TWSG1: variants seen among roughly 807,000 people sequenced by gnomAD.
The protein encoded by TWSG1 is twisted gastrulation protein homolog 1.
Under a neutral mutation model 23.0 loss-of-function variants are expected in TWSG1, and 15 were observed. The observed-to-expected ratio is 0.65, with a 90% CI of 0.44 to 1.00. TWSG1 has a LOEUF of 1.00. Ranked by LOEUF, TWSG1 falls within the 50% of genes least tolerant of loss-of-function variation. The pLI, the probability that TWSG1 is intolerant of heterozygous loss-of-function variation, is 0.00. For synonymous variants in TWSG1, 86 were observed against 92.8 expected, an observed-to-expected ratio of 0.93 and a Z score of 0.42; for missense variants, 242 against 278.7, an observed-to-expected ratio of 0.87 and a Z score of 0.94.
intron 2 of TWSG1, among the ~76,000 whole-genome samples, chr18:9,357,583 GT>G (rs1445358059): frequency 6.6e-6 from 1 of 152,120 alleles, no homozygotes; most frequent in Non-Finnish European, 1.5e-5. Context: ...AGAAATAATA[GT>G]TACATTGCAC....
intron 3 of TWSG1, among the ~76,000 whole-genome samples, chr18:9,382,868 G>T (rs1391639388): frequency 3.3e-5 from 5 of 150,914 alleles, no homozygotes; most frequent in Non-Finnish European, 7.4e-5. Flanking sequence ...AAGAGAGGCT[G>T]GGAAAAGAAA....
chr18:9,383,163 T>A (rs1292716637), intron 3 of TWSG1, among the ~76,000 whole-genome samples: 1 of 150,074 alleles, frequency 6.7e-6, no homozygotes, highest in East Asian at 2.0e-4. Context: ...GAGTGTATGG[T>A]GGTGATATCC....
intron 2 of TWSG1, among the ~76,000 whole-genome samples, chr18:9,347,704 A>G (rs959404807): frequency 6.6e-6 from 1 of 152,002 alleles, no homozygotes; most frequent in Non-Finnish European, 1.5e-5. Flanking sequence ...ATATTCTGGG[A>G]AATTTCCTGA....
rs143094768 is a variant in TWSG1, at chr18:9,353,849, C to T, written c.124-6123C>T. Among the ~76,000 whole-genome samples the T allele has an allele frequency of 2.5e-3, 385 of 152,256 alleles. 5 individuals are homozygous for T. Among genetic ancestry groups the T allele is most frequent in the African/African-American group, 8.8e-3 (366 of 41,560 alleles). The stretch of plus-strand genomic sequence containing the variant: ...AGATATAGTCATTAACCAGCTGAAG[C>T]GACAACAAAAAAAATTAAGTATTGC... On this transcript the variant is annotated intron_variant, in intron 2 of 4. Transcript: ENST00000262120.
intron 2 of TWSG1, among the ~76,000 whole-genome samples, chr18:9,347,693 T>C (rs1220382057): frequency 6.6e-6 from 1 of 152,174 alleles, no homozygotes; most frequent in Non-Finnish European, 1.5e-5. Flanking sequence ...CTTCTTACTC[T>C]ATATTCTGGG....
At chr18:9,383,878 A>T in intron 3 of TWSG1, among the ~76,000 whole-genome samples, 1 of 152,156 alleles carries the variant, frequency 6.6e-6, no homozygotes, top group Non-Finnish European at 1.5e-5. Flanking sequence ...TGGAAATGAG[A>T]TAGTGATCCA....
intron 2 of TWSG1, among the ~76,000 whole-genome samples, chr18:9,353,425 G>T (rs935218158): frequency 2.0e-5 from 3 of 152,150 alleles, no homozygotes; most frequent in Non-Finnish European, 4.4e-5. Flanking sequence ...CATCCTGCCA[G>T]ACTTTCATTT....
intron 2 of TWSG1, among the ~76,000 whole-genome samples, chr18:9,347,569 A>C (rs184337442): frequency 9.3e-4 from 142 of 152,122 alleles, no homozygotes; most frequent in African/African-American, 3.0e-3. Context: ...AAATTTATTT[A>C]TCAGTATTTT....
At chr18:9,395,711 A>G (rs2040731626) in intron 3 of TWSG1, among the ~76,000 whole-genome samples, 1 of 152,046 alleles carries the variant, frequency 6.6e-6, no homozygotes, top group Non-Finnish European at 1.5e-5. Context: ...GGCTACAGGC[A>G]TGCACCACCA....
In TWSG1 at chr18:9,337,201, G is replaced by T; in HGVS notation, c.-29G>T. The T allele has an allele frequency of 6.2e-7, 1 of 1,606,020 alleles. No individual in the cohort carries two copies. The highest frequency in any genetic ancestry group is 1.1e-5 in the South Asian group (1 of 90,986). On this transcript the variant is annotated 5_prime_UTR_variant, in exon 2 of 5. Coordinates refer to ENST00000262120, the MANE Select transcript of TWSG1 (RefSeq NM_020648.6). Reference sequence around the variant, plus strand: ...TGTGTTTGTTTGTTTAGTTTCCTGGGAGTTACTGATCATCTTCTTTGAAGA... The same window carrying T: ...TGTGTTTGTTTGTTTAGTTTCCTGGTAGTTACTGATCATCTTCTTTGAAGA...
At position 9,344,491 on chromosome 18, in the gene TWSG1, A is replaced by ATGTGTGTGTGTGTG. The variant is rs57863617; in HGVS notation, c.123+7157_123+7170dup. 2.5e-3 allele frequency among the ~76,000 whole-genome samples: 337 copies of ATGTGTGTGTGTGTG among 136,774 alleles called. 4 individuals carry two copies. The highest frequency in any genetic ancestry group is 9.1e-3 in the African/African-American group (325 of 35,660). The allele number at this position is 136,774 out of a possible 152,430, so 89.7% of individuals were successfully genotyped here. A position where few individuals can be genotyped will look rare whatever the true frequency, so the allele number is the denominator to read the frequency against. On this transcript the variant is annotated intron_variant, in intron 2 of 4. Transcript: ENST00000262120. ...ATCTTTTTATGTGCTTAGTGAATGC[A>ATGTGTGTGTGTGTG]TGTGTGTGTGTGTGTGTGTGTGTGT...
At chr18:9,379,003 A>G (rs1348655044) in intron 3 of TWSG1, among the ~76,000 whole-genome samples, 1 of 152,204 alleles carries the variant, frequency 6.6e-6, no homozygotes, top group Non-Finnish European at 1.5e-5. Context: ...TGGCTATGAT[A>G]TTAAAAAGTC....
chr18:9,358,690 T>C (rs1469787334), intron 2 of TWSG1, among the ~76,000 whole-genome samples: 1 of 152,168 alleles, frequency 6.6e-6, no homozygotes, highest in African/African-American at 2.4e-5. Flanking sequence ...TACTTTGGAT[T>C]GTTAAGTTCC....
At chr18:9,388,388 T>G (rs535240498) in intron 3 of TWSG1, 6 of 152,390 alleles carry the variant, frequency 3.9e-5, no homozygotes, top group African/African-American at 1.2e-4. Context: ...CTGACTGTTC[T>G]GTCATAAACA....
In TWSG1 at chr18:9,399,725, C is replaced by T. The variant is rs2040754469; in HGVS notation, c.*198C>T. On this transcript the variant is annotated 3_prime_UTR_variant, in exon 5 of 5. Coordinates refer to ENST00000262120, the MANE Select transcript of TWSG1 (RefSeq NM_020648.6). ...CTGTTCTTACTGATTTTATTGCCCC[C>T]TAGCAATAAGCCCTTTCCTTTGAAT... is the stretch of plus-strand genomic sequence containing the variant. The T allele has an allele frequency of 2.1e-6, 1 of 482,592 alleles. No homozygotes were observed. Among genetic ancestry groups the T allele is most frequent in the African/African-American group, 2.0e-5 (1 of 49,854 alleles). The allele number at this position is 482,592 out of a possible 1,614,324, so 29.9% of individuals were successfully genotyped here. A position where few individuals can be genotyped will look rare whatever the true frequency, so the allele number is the denominator to read the frequency against.
intron 3 of TWSG1, among the ~76,000 whole-genome samples, chr18:9,373,790 T>C (rs140355807): frequency 1.1e-3 from 173 of 152,320 alleles, no homozygotes; most frequent in African/African-American, 4.0e-3. Context: ...TTCACCAAGA[T>C]AGATCACATT....
Position 9,336,503 on chromosome 18 carries a change from CTCTGTGGACTCTACT to C in TWSG1, c.-37-686_-37-672del, listed in dbSNP as rs544300608. On this transcript the variant is annotated intron_variant, in intron 1 of 4. Transcript: ENST00000262120. ...ATTTGCTCAATTATTTAAGAAGTGA[CTCTGTGGACTCTACT>C]TCTTGCTTTGAGCTGCTTTATTCTG... Among the ~76,000 whole-genome samples, 26 of 152,116 alleles carry C rather than the reference CTCTGTGGACTCTACT, an allele frequency of 1.7e-4. No individual in the cohort carries two copies. The East Asian group carries it at 3.7e-3, about 21-fold the overall frequency.
intron 3 of TWSG1, among the ~76,000 whole-genome samples, chr18:9,360,865 G>A (rs9956536): frequency 0.54 from 82,377 of 151,910 alleles, 23,513 homozygotes; most frequent in East Asian, 0.72. Flanking sequence ...ACTTTTCAGC[G>A]TTGCACTGCT....
chr18:9,343,116 G>T (rs1346234893), intron 2 of TWSG1, among the ~76,000 whole-genome samples: 1 of 151,340 alleles, frequency 6.6e-6, no homozygotes, highest in African/African-American at 2.4e-5. Context: ...TGAGTCTAGT[G>T]TTGGTCTTTT....
Sources: gnomAD v4.1 joint callset for allele counts (sites outside exome capture counted in the v4.1 genomes callset) on GRCh38, gnomAD v4.1.1 for gene constraint, MANE v1.5 for transcripts, NCBI Gene and HGNC (gene_info 2026-07-23, HGNC 2026-07-21) for gene names.